Variants in MRPS5 observed in about 807,000 individuals in gnomAD.
The protein encoded by MRPS5 is small ribosomal subunit protein uS5m.
A neutral mutation model predicts 51.9 loss-of-function variants in MRPS5; 27 were observed. The ratio of observed to expected loss-of-function variants is 0.52; its 90% CI spans 0.38 to 0.72. The LOEUF (loss-of-function observed/expected upper bound fraction) is 0.72. Ranked by LOEUF, MRPS5 falls within the 30% of genes least tolerant of loss-of-function variation. The pLI is 0.00. For missense variants in MRPS5, 570 were observed against 545.7 expected, an observed-to-expected ratio of 1.04 and a Z score of -0.44; for synonymous variants, 196 against 193.2, an observed-to-expected ratio of 1.01 and a Z score of -0.12.
At chr2:95,106,545 C>G in intron 5 of MRPS5, 88 bp from the exon 6 acceptor site, 1 of 1,084,636 alleles carries the variant, frequency 9.2e-7, no homozygotes, top group Non-Finnish European at 1.4e-6. Flanking sequence ...CCATCACAGA[C>G]CTTTCGGGGA....
intron 3 of MRPS5, among the ~76,000 whole-genome samples, chr2:95,112,104 G>GC (rs1676137853): frequency 6.6e-6 from 1 of 151,580 alleles, no homozygotes; most frequent in African/African-American, 2.4e-5. Flanking sequence ...CACTCTTGTC[G>GC]CCCCAGATGG....
At chr2:95,119,664 G>A (rs1676385375) in intron 1 of MRPS5, among the ~76,000 whole-genome samples, 2 of 151,266 alleles carry the variant, frequency 1.3e-5, no homozygotes, top group Admixed American at 1.3e-4. Flanking sequence ...AAAAAAGACA[G>A]ACATTAAGTG....
chr2:95,096,259 A>C (rs1675624203), intron 10 of MRPS5, among the ~76,000 whole-genome samples: 1 of 152,210 alleles, frequency 6.6e-6, no homozygotes, highest in African/African-American at 2.4e-5. Flanking sequence ...CAGAGGTACA[A>C]AGAGGAGCTG....
At chr2:95,096,363 C>G (rs1355297201) in intron 10 of MRPS5, among the ~76,000 whole-genome samples, 2 of 152,160 alleles carry the variant, frequency 1.3e-5, no homozygotes, top group Admixed American at 6.5e-5. Flanking sequence ...GATACTAAAG[C>G]CTGGCAGAGA....
Position 95,086,901 on chromosome 2 carries a change from T to C in MRPS5, c.*456A>G, listed in dbSNP as rs907324855. Among the ~76,000 whole-genome samples the C allele has an allele frequency of 1.3e-5, 2 of 152,192 alleles. No individual in the cohort carries two copies. Among genetic ancestry groups the C allele is most frequent in the African/African-American group, 2.4e-5 (1 of 41,428 alleles). ...ATATACCATTTAACATTCCCAATAG[T>C]AGCCTACAACTTCCATTTCCACTGT... On this transcript the variant is annotated 3_prime_UTR_variant, in exon 12 of 12. Coordinates refer to ENST00000272418, the MANE Select transcript of MRPS5 (RefSeq NM_031902.5).
intron 10 of MRPS5, among the ~76,000 whole-genome samples, chr2:95,099,366 T>C (rs1410122334): frequency 5.3e-5 from 8 of 152,260 alleles, no homozygotes; most frequent in East Asian, 1.9e-4. Flanking sequence ...AATGTTCTCA[T>C]AGATGCATTT....
At chr2:95,106,511 A>C in intron 5 of MRPS5, 54 bp from the exon 6 acceptor site, 1 of 1,461,422 alleles carries the variant, frequency 6.8e-7, no homozygotes, top group Non-Finnish European at 9.6e-7. Flanking sequence ...CACAATTAAC[A>C]TGAAAGCATT....
At chr2:95,089,865 C>A (rs1675406162) in intron 11 of MRPS5, among the ~76,000 whole-genome samples, 1 of 152,034 alleles carries the variant, frequency 6.6e-6, no homozygotes, top group Non-Finnish European at 1.5e-5. Flanking sequence ...TTAGAAAAAC[C>A]CATGAAGTAC....
intron 10 of MRPS5, chr2:95,093,441 A>G (rs1264466875): frequency 1.3e-5 from 2 of 152,254 alleles, no homozygotes; most frequent in Admixed American, 1.3e-4. Context: ...CCTAACTGGG[A>G]GACACCTCCC....
At chr2:95,106,716 G>A in intron 5 of MRPS5, 1 of 526,686 alleles carries the variant, frequency 1.9e-6, no homozygotes, top group South Asian at 2.2e-5. Context: ...GGCCCCTCCA[G>A]ACCCTGGATC....
chr2:95,100,778 A>G (rs1675772176), intron 9 of MRPS5, 59 bp downstream of exon 9: 21 of 1,313,104 alleles, frequency 1.6e-5, no homozygotes, highest in Non-Finnish European at 2.0e-5. Flanking sequence ...ACATTGTCAC[A>G]CAGACTTTAA....
At chr2:95,101,969 C>T in intron 7 of MRPS5, 1 of 428,692 alleles carries the variant, frequency 2.3e-6, no homozygotes, top group South Asian at 3.3e-5. Context: ...GCCTGAACAA[C>T]ACAGCAAGAC....
At chr2:95,094,195 A>T (rs1213642424) in intron 10 of MRPS5, among the ~76,000 whole-genome samples, 1 of 152,154 alleles carries the variant, frequency 6.6e-6, no homozygotes, top group African/African-American at 2.4e-5. Flanking sequence ...AAAAAAGAGT[A>T]AAAAAACGAA....
chr2:95,111,947 A>G (rs1198480347), intron 3 of MRPS5, among the ~76,000 whole-genome samples: 2 of 152,228 alleles, frequency 1.3e-5, no homozygotes, highest in Non-Finnish European at 2.9e-5. Context: ...AAGATTCTAA[A>G]TAACCTAAAA....
intron 10 of MRPS5, 52 bp from the exon 11 acceptor site, chr2:95,090,574 G>A (rs1675436740): frequency 6.2e-6 from 10 of 1,608,910 alleles, no homozygotes; most frequent in Non-Finnish European, 8.5e-6. Flanking sequence ...GCAGCCGGAG[G>A]AGTCACCCTG....
chr2:95,087,495 C>A lies in MRPS5; in HGVS notation c.1155G>T (p.Ala385=), dbSNP rs148386913. The change falls in exon 12 of 12, where the codon GCG becomes GCT. Residue 385 remains alanine (A), a synonymous_variant. Transcript: ENST00000272418. Reference sequence around the variant, plus strand: ...CCTTCCTCAAGGGCCCCCGGGGGGACGCAACCACAATGGGCAGAGGGCCAC... The same window carrying A: ...CCTTCCTCAAGGGCCCCCGGGGGGAAGCAACCACAATGGGCAGAGGGCCAC... ...EECGPLPIVV[A]SPRGPLRKDP... is the part of the protein sequence containing the mutation. The A allele has an allele frequency of 2.2e-5, 35 of 1,614,030 alleles. No individual in the cohort carries two copies. In the East Asian group the frequency reaches 5.6e-4, roughly 26 times the overall value.
At chr2:95,097,789 C>A (rs899607856) in intron 10 of MRPS5, among the ~76,000 whole-genome samples, 1 of 152,146 alleles carries the variant, frequency 6.6e-6, no homozygotes, top group Non-Finnish European at 1.5e-5. Context: ...TAGGCATGGG[C>A]AAGGACTTCA....
upstream of MRPS5, chr2:95,121,958 C>T (rs577944110): frequency 2.6e-5 from 20 of 766,564 alleles, no homozygotes; most frequent in African/African-American, 3.0e-4. Context: ...ACGGGCCACA[C>T]TGCAGGCGGA....
chr2:95,087,116 T>C lies in MRPS5; in HGVS notation c.*241A>G. ...CCCGTCTCCCTAATTCATTTACTTT[T>C]GTTACTTTGGATGAATATTTAAAGT... On this transcript the variant is annotated 3_prime_UTR_variant, in exon 12 of 12. Transcript: ENST00000272418. 2.3e-6 allele frequency: 1 copy of C among 428,732 alleles called. No individual in the cohort carries two copies. The highest frequency in any genetic ancestry group is 3.7e-5 in the East Asian group (1 of 27,158). The allele number at this position is 428,732 out of a possible 1,614,324, so 26.6% of individuals were successfully genotyped here. A position where few individuals can be genotyped will look rare whatever the true frequency, so the allele number is the denominator to read the frequency against.
Sources: allele counts gnomAD v4.1 joint callset (sites outside exome capture counted in the v4.1 genomes callset), GRCh38; gene constraint gnomAD v4.1.1; transcripts MANE v1.5; gene names NCBI Gene and HGNC (gene_info 2026-07-23, HGNC 2026-07-21).